The following CDH2 variants were observed in gnomAD, a reference collection of about 807,000 sequenced individuals.
CDH2 encodes cadherin 2.
In CDH2, 17 loss-of-function variants were observed where a neutral mutation model predicts 92.0. That is an observed-to-expected ratio of 0.18 (90% CI 0.13 to 0.28). CDH2 has a LOEUF of 0.28. CDH2 is among the 10% of genes least tolerant of loss of function. The pLI, the probability that CDH2 is intolerant of heterozygous loss-of-function variation, is 1.00. For synonymous variants in CDH2, 419 were observed against 415.9 expected, an observed-to-expected ratio of 1.01 and a Z score of -0.09; for missense variants, 862 against 1,133.1, an observed-to-expected ratio of 0.76 and a Z score of 3.44.
chr18:28,012,806 A>G (rs2013137260), intron 3 of CDH2, among the ~76,000 whole-genome samples: 1 of 152,190 alleles, frequency 6.6e-6, no homozygotes, highest in Admixed American at 6.5e-5. Context: ...GAGAAAAATG[A>G]TATATTTTCC....
At chr18:28,067,427 T>C (rs1194292078) in intron 2 of CDH2, among the ~76,000 whole-genome samples, 1 of 152,160 alleles carries the variant, frequency 6.6e-6, no homozygotes, top group African/African-American at 2.4e-5. Context: ...ACTACTAATC[T>C]ACCTTCTGTC....
chr18:28,096,429 A>G (rs2015136470), intron 2 of CDH2, among the ~76,000 whole-genome samples: 1 of 151,482 alleles, frequency 6.6e-6, no homozygotes, highest in Non-Finnish European at 1.5e-5. Flanking sequence ...TTTTAACATA[A>G]CACACAATGA....
intron 10 of CDH2, among the ~76,000 whole-genome samples, chr18:27,989,779 C>G (rs1941182): frequency 2.6e-5 from 4 of 151,888 alleles, no homozygotes; most frequent in East Asian, 1.9e-4. Flanking sequence ...CCCTGCGGAA[C>G]CTTTTTGTGA....
At chr18:28,011,054 T>C (rs1474904931) in intron 4 of CDH2, among the ~76,000 whole-genome samples, 1 of 151,964 alleles carries the variant, frequency 6.6e-6, no homozygotes. Flanking sequence ...TGAATTATAA[T>C]GTACATTAGG....
chr18:27,996,255 C>A (rs2012577711), intron 7 of CDH2, among the ~76,000 whole-genome samples: 1 of 152,104 alleles, frequency 6.6e-6, no homozygotes. Flanking sequence ...TTCTCCTCTG[C>A]CTAGACAAGT....
chr18:28,112,467 G>A (rs1016203225), intron 2 of CDH2, among the ~76,000 whole-genome samples: 9 of 152,184 alleles, frequency 5.9e-5, no homozygotes, highest in Non-Finnish European at 1.2e-4. Context: ...AGGAGGCACC[G>A]AGGTGGTGGA....
At chr18:28,158,842 AG>A (rs1677943800) in intron 1 of CDH2, among the ~76,000 whole-genome samples, 1 of 152,230 alleles carries the variant, frequency 6.6e-6, no homozygotes, top group African/African-American at 2.4e-5. Context: ...CAGACATTAA[AG>A]ACACTGCAAA....
At chr18:28,140,283 A>T (rs2015931078) in intron 2 of CDH2, among the ~76,000 whole-genome samples, 1 of 152,054 alleles carries the variant, frequency 6.6e-6, no homozygotes. Flanking sequence ...CAAAAGCAAG[A>T]GTAACCAGAC....
intron 2 of CDH2, among the ~76,000 whole-genome samples, chr18:28,114,855 C>A (rs2015470356): frequency 6.6e-6 from 1 of 151,722 alleles, no homozygotes; most frequent in South Asian, 2.1e-4. Context: ...TGAATGTATT[C>A]TTCTCCATCT....
In CDH2 at chr18:28,009,820, G is replaced by A; in HGVS notation, c.599C>T (p.Pro200Leu). The change falls in exon 5 of 16, where the codon CCA becomes CTA. Residue 200 changes from proline (P) to leucine (L), a missense_variant. Physicochemically the swap from Pro to Leu is moderately conservative, Grantham distance 98. This residue lies in a region of CDH2 where 21 missense variants were observed against 61.8 expected (regional missense o/e 0.34). Transcript: ENST00000269141. Reference sequence around the variant, plus strand: ...ACCAGTTGGAGGCTGGTCAGCTCCTGGCCCAGTTACACTGTACCGCAGTGA... The same window carrying A: ...ACCAGTTGGAGGCTGGTCAGCTCCTAGCCCAGTTACACTGTACCGCAGTGA... ...NLSLRYSVTG[P>L]GADQPPTGIF... 1 of 1,613,806 alleles carries A rather than the reference G, an allele frequency of 6.2e-7. No homozygotes were observed.
At chr18:28,071,739 A>T (rs1342222109) in intron 2 of CDH2, among the ~76,000 whole-genome samples, 5 of 152,134 alleles carry the variant, frequency 3.3e-5, no homozygotes, top group Non-Finnish European at 7.3e-5. Flanking sequence ...GCCTATGTCC[A>T]CTATCCATTT....
intron 2 of CDH2, chr18:28,036,383 T>C (rs773324800): frequency 2.6e-6 from 2 of 760,124 alleles, no homozygotes. Flanking sequence ...ATGTACTTTG[T>C]ACATAAGTCT....
intron 2 of CDH2, among the ~76,000 whole-genome samples, chr18:28,141,178 T>C (rs117920494): frequency 0.017 from 2,599 of 151,910 alleles, 37 homozygotes; most frequent in Middle Eastern, 0.041. Flanking sequence ...CTCCCAGGTA[T>C]ATACTCCAAA....
At chr18:27,983,455 G>C (rs1348566146) in intron 13 of CDH2, among the ~76,000 whole-genome samples, 1 of 152,158 alleles carries the variant, frequency 6.6e-6, no homozygotes, top group African/African-American at 2.4e-5. Context: ...ACACAAAACA[G>C]CAGTAAGGTG....
rs553884755 is a variant in CDH2, at chr18:27,961,673, A to G, written c.2514+1684T>C. ...ATAAATAAACCTTACTGTTTGTTTG[A>G]TCTTTAGCACTGAGAAAAGAAGAGT... On this transcript the variant is annotated intron_variant, in intron 15 of 15. Coordinates refer to ENST00000269141, the MANE Select transcript of CDH2 (RefSeq NM_001792.5). Among the ~76,000 whole-genome samples the G allele has an allele frequency of 5.9e-5, 9 of 152,322 alleles. No individual in the cohort carries two copies. The South Asian group carries it at 1.7e-3, about 28-fold the overall frequency.
At chr18:28,047,191 A>G (rs1041932148) in intron 2 of CDH2, among the ~76,000 whole-genome samples, 4 of 152,198 alleles carry the variant, frequency 2.6e-5, no homozygotes, top group Admixed American at 6.5e-5. Flanking sequence ...CTAAGTTACA[A>G]AAAAGCACCA....
At chr18:27,976,902 G>A (rs1253542560) in intron 14 of CDH2, among the ~76,000 whole-genome samples, 5 of 152,168 alleles carry the variant, frequency 3.3e-5, no homozygotes, top group African/African-American at 9.7e-5. Context: ...GGGCTGAAAG[G>A]GGATGGTCCC....
chr18:28,151,006 G>A (rs574718848), intron 1 of CDH2, among the ~76,000 whole-genome samples: 2 of 152,332 alleles, frequency 1.3e-5, no homozygotes, highest in South Asian at 4.1e-4. Flanking sequence ...GCTGGACATA[G>A]TGGAGGCTTA....
chr18:28,148,966 C>A (rs2016080022), intron 1 of CDH2, among the ~76,000 whole-genome samples: 1 of 151,984 alleles, frequency 6.6e-6, no homozygotes, highest in African/African-American at 2.4e-5. Flanking sequence ...AGTATTTATT[C>A]TCAAAAAATT....
Sources: gnomAD v4.1 joint callset for allele counts (sites outside exome capture counted in the v4.1 genomes callset) on GRCh38, gnomAD v4.1.1 for gene constraint, gnomAD v4.1.1 regional missense constraint, MANE v1.5 for transcripts, NCBI Gene and HGNC (gene_info 2026-07-23, HGNC 2026-07-21) for gene names.